Variants in DSCAM observed in about 807,000 individuals in gnomAD.
DSCAM encodes cell adhesion molecule DSCAM.
A neutral mutation model predicts 217.7 loss-of-function variants in DSCAM; 47 were observed. The ratio of observed to expected loss-of-function variants is 0.22; its 90% CI spans 0.17 to 0.28. The LOEUF is 0.28. Ranked by LOEUF, DSCAM falls within the 10% of genes least tolerant of loss-of-function variation. The probability of loss-of-function intolerance (pLI) is 1.00; values close to 1 mark genes in which losing one functional copy is unlikely to be tolerated. For missense variants in DSCAM, 2,080 were observed against 2,618.3 expected (o/e 0.79, Z 4.49); for synonymous variants, 1,056 against 1,015.3 (o/e 1.04, Z -0.76).
intron 1 of DSCAM, among the ~76,000 whole-genome samples, chr21:40,737,183 A>C (rs995842195): frequency 2.0e-5 from 3 of 152,072 alleles, no homozygotes; most frequent in Non-Finnish European, 2.9e-5. Context: ...TTGAATTCTG[A>C]CTCTTGGTTA....
chr21:40,212,822 G>A (rs1040684907), intron 11 of DSCAM, among the ~76,000 whole-genome samples: 6 of 152,138 alleles, frequency 3.9e-5, no homozygotes, highest in African/African-American at 1.4e-4. Flanking sequence ...CTTCATTAGG[G>A]TGGGTCCTAA....
intron 3 of DSCAM, among the ~76,000 whole-genome samples, chr21:40,446,617 G>A (rs1322757783): frequency 1.3e-5 from 2 of 152,112 alleles, no homozygotes; most frequent in African/African-American, 2.4e-5. Context: ...TTTAGTGTGT[G>A]GTTTACAATG....
chr21:40,037,313 C>T (rs937935646), intron 32 of DSCAM, among the ~76,000 whole-genome samples: 1 of 149,300 alleles, frequency 6.7e-6, no homozygotes, highest in African/African-American at 2.6e-5. Context: ...GCAACTTCAG[C>T]AAAGTCTCAG....
At chr21:40,736,810 G>GT (rs201000680) in intron 1 of DSCAM, among the ~76,000 whole-genome samples, 12,324 of 151,280 alleles carry the variant, frequency 0.081, 1,654 homozygotes, top group African/African-American at 0.28. Flanking sequence ...AATAGCATAG[G>GT]GTTTTTTTTG....
intron 11 of DSCAM, among the ~76,000 whole-genome samples, chr21:40,251,324 G>T (rs1189885990): frequency 1.3e-5 from 2 of 152,036 alleles, no homozygotes; most frequent in Non-Finnish European, 2.9e-5. Context: ...TCTAGTTACA[G>T]AAAAATGCTT....
intron 1 of DSCAM, among the ~76,000 whole-genome samples, chr21:40,832,498 T>C (rs1489602018): frequency 6.6e-6 from 1 of 152,216 alleles, no homozygotes; most frequent in Admixed American, 6.5e-5. Flanking sequence ...TCTATGCAGA[T>C]AATTACTCTC....
intron 1 of DSCAM, among the ~76,000 whole-genome samples, chr21:40,835,029 C>T (rs1193584782): frequency 6.6e-6 from 1 of 152,158 alleles, no homozygotes; most frequent in Non-Finnish European, 1.5e-5. Context: ...TCAAGAGATG[C>T]TAGAGACCCC....
At chr21:40,586,311 C>T (rs1056948386) in intron 3 of DSCAM, among the ~76,000 whole-genome samples, 4 of 152,158 alleles carry the variant, frequency 2.6e-5, no homozygotes, top group Non-Finnish European at 5.9e-5. Flanking sequence ...CCAAATGAAC[C>T]TATTTCTTTA....
chr21:40,570,515 A>C (rs957793130), intron 3 of DSCAM, among the ~76,000 whole-genome samples: 5 of 152,228 alleles, frequency 3.3e-5, no homozygotes, highest in Non-Finnish European at 7.3e-5. Flanking sequence ...ACACACAAAG[A>C]AACAACAAAA....
intron 11 of DSCAM, among the ~76,000 whole-genome samples, chr21:40,223,726 C>T (rs2091308445): frequency 6.6e-6 from 1 of 152,152 alleles, no homozygotes; most frequent in Non-Finnish European, 1.5e-5. Flanking sequence ...AAAGTTACAA[C>T]ATTAATAAAA....
At chr21:40,043,531 GTGCTATTCTTAGGGCC>G (rs2088792889) in intron 31 of DSCAM, among the ~76,000 whole-genome samples, 1 of 152,160 alleles carries the variant, frequency 6.6e-6, no homozygotes, top group South Asian at 2.1e-4. Flanking sequence ...GGGCAACCCG[GTGCTATTCTTAGGGCC>G]TGTCTTCTCT....
chr21:40,471,940 C>A lies in DSCAM; in HGVS notation c.509-102695G>T, dbSNP rs549511454. Among the ~76,000 whole-genome samples, 9 of 152,236 alleles carry A rather than the reference C, an allele frequency of 5.9e-5. No individual in the cohort carries two copies. The South Asian group carries it at 1.9e-3, about 32-fold the overall frequency. ...GTATATCTCCTAATGCTATTCCTCC[C>A]CGTTCTCCCCATCCCACAACAGGCC... On this transcript the variant is annotated intron_variant, in intron 3 of 32. Coordinates refer to ENST00000400454, the MANE Select transcript of DSCAM (RefSeq NM_001389.5).
At chr21:40,223,460 C>G (rs1242334831) in intron 11 of DSCAM, among the ~76,000 whole-genome samples, 3 of 152,148 alleles carry the variant, frequency 2.0e-5, no homozygotes, top group Non-Finnish European at 1.5e-5. Context: ...TTCCTAAACA[C>G]AGGTAAAAAA....
intron 3 of DSCAM, among the ~76,000 whole-genome samples, chr21:40,474,786 G>A (rs1373765818): frequency 1.3e-5 from 2 of 152,176 alleles, no homozygotes; most frequent in African/African-American, 2.4e-5. Context: ...GTTCTGCCTG[G>A]GAAGGGCAGT....
intron 10 of DSCAM, among the ~76,000 whole-genome samples, chr21:40,285,777 G>T (rs1209643939): frequency 6.6e-6 from 1 of 152,156 alleles, no homozygotes; most frequent in Admixed American, 6.5e-5. Flanking sequence ...TTTACCATGT[G>T]TGCCATAGAG....
At chr21:40,019,952 C>CCTGT in intron 32 of DSCAM, among the ~76,000 whole-genome samples, 1 of 152,276 alleles carries the variant, frequency 6.6e-6, no homozygotes, top group East Asian at 1.9e-4. Flanking sequence ...TTCCCTTCCT[C>CCTGT]CTGTCTCTTT....
intron 1 of DSCAM, among the ~76,000 whole-genome samples, chr21:40,783,120 G>A (rs985450257): frequency 2.0e-5 from 3 of 152,166 alleles, no homozygotes; most frequent in Non-Finnish European, 2.9e-5. Context: ...GTGTAAAAGT[G>A]GACATTGGAT....
intron 9 of DSCAM, among the ~76,000 whole-genome samples, chr21:40,305,563 T>C (rs1420621184): frequency 1.3e-5 from 2 of 152,324 alleles, no homozygotes; most frequent in Middle Eastern, 3.4e-3. Context: ...CTAGGGTTTT[T>C]ATGGTTTTAG....
chr21:40,240,833 G>C (rs1404736783), intron 11 of DSCAM, among the ~76,000 whole-genome samples: 1 of 152,118 alleles, frequency 6.6e-6, no homozygotes, highest in African/African-American at 2.4e-5. Context: ...CCATATCTAA[G>C]CTTCTTGGGT....
Sources: gnomAD v4.1 joint callset for allele counts (sites outside exome capture counted in the v4.1 genomes callset) on GRCh38, gnomAD v4.1.1 for gene constraint, MANE v1.5 for transcripts, NCBI Gene and HGNC (gene_info 2026-07-23, HGNC 2026-07-21) for gene names.